ELL3: variants seen among roughly 807,000 people sequenced by gnomAD.
ELL3 encodes the protein elongation factor for RNA polymerase II 3, also known as RNA polymerase II elongation factor ELL3.
ELL3 carries 48 observed loss-of-function variants against 58.5 expected under a neutral mutation model. That is an observed-to-expected ratio of 0.82 (90% confidence interval 0.65 to 1.04). The LOEUF is 1.04. Ranked by LOEUF, ELL3 falls within the 50% of genes least tolerant of loss-of-function variation. ELL3 has a pLI of 0.00. For missense variants in ELL3, 458 were observed against 478.4 expected (o/e 0.96, Z 0.40); for synonymous variants, 174 against 173.2 (o/e 1.00, Z -0.04).
Position 43,773,364 on chromosome 15 carries a change from C to T in ELL3, c.1039-16G>A, listed in dbSNP as rs780844907. 38 of 1,613,840 alleles carry T rather than the reference C, an allele frequency of 2.4e-5. No individual in the cohort carries two copies. The highest frequency in any genetic ancestry group is 2.9e-5 in the Non-Finnish European group (34 of 1,179,956). ...CTTCCAGGACCTGAAACAGAAATTA[C>T]TAGCACTGAGTTCAACATTAAGAAA... On this transcript the variant is annotated splice_polypyrimidine_tract_variant and intron_variant, in intron 9 of 10. Coordinates refer to ENST00000319359, the MANE Select transcript of ELL3 (RefSeq NM_025165.3).
chr15:43,776,689 C>T, intron 1 of ELL3, 81 bp downstream of exon 1: 1 of 1,555,556 alleles, frequency 6.4e-7, no homozygotes, highest in Admixed American at 1.9e-5. Flanking sequence ...GCTCCCTCTC[C>T]CCTGCACCTT....
At chr15:43,773,408 G>T in intron 9 of ELL3, 60 bp from the exon 10 acceptor site, 2 of 1,590,824 alleles carry the variant, frequency 1.3e-6, no homozygotes, top group Non-Finnish European at 1.7e-6. Context: ...GGGCGGCCAG[G>T]CATGGTGGCT....
chr15:43,776,750 A>G lies in ELL3; in HGVS notation c.132+20T>C. ...AGGTCCCTAGGGGCAGTGACTAGAG[A>G]AGAAGGGGGCCGGCCGTACCTGTTG... On this transcript the variant is annotated intron_variant, in intron 1 of 10. Transcript: ENST00000319359. 1 of 1,594,586 alleles carries G rather than the reference A, an allele frequency of 6.3e-7. No individual in the cohort carries two copies.
chr15:43,773,047 A>G lies in ELL3; in HGVS notation c.*69T>C, dbSNP rs2086890504. The G allele has an allele frequency of 2.2e-6, 3 of 1,391,760 alleles. No individual in the cohort carries two copies. The highest frequency in any genetic ancestry group is 2.2e-5 in the Admixed American group (1 of 44,840). The allele number at this position is 1,391,760 out of a possible 1,614,324, so 86.2% of individuals were successfully genotyped here. A position where few individuals can be genotyped will look rare whatever the true frequency, so the allele number is the denominator to read the frequency against. On this transcript the variant is annotated 3_prime_UTR_variant, in exon 11 of 11. Coordinates refer to ENST00000319359, the MANE Select transcript of ELL3 (RefSeq NM_025165.3). ...TAAGAAAAGCAGATAGTTGCATTCTATTTAGTTTATAGCTGCTTTGTTCCT... is the reference window on the plus strand; with the variant it reads ...TAAGAAAAGCAGATAGTTGCATTCTGTTTAGTTTATAGCTGCTTTGTTCCT...
rs145626761 is a variant in ELL3, at chr15:43,773,831, G to T, written c.1038+351C>A. Among the ~76,000 whole-genome samples, 47 of 151,874 alleles carry T rather than the reference G, an allele frequency of 3.1e-4. No homozygotes were observed. The East Asian group carries it at 8.8e-3, about 28-fold the overall frequency. On this transcript the variant is annotated intron_variant, in intron 9 of 10. Transcript: ENST00000319359. ...AGCCTGGCCAACATGGTAAAACCCTGTCTCTACTAAAAATACAAAAAGTGG... is the reference window on the plus strand; with the variant it reads ...AGCCTGGCCAACATGGTAAAACCCTTTCTCTACTAAAAATACAAAAAGTGG...
chr15:43,775,613 G>C lies in ELL3; in HGVS notation c.484-3C>G, dbSNP rs2141662028. The stretch of plus-strand genomic sequence containing the variant: ...GCCAGTGGATCTGACACTGACACCT[G>C]GTGGGGAAAGTGGCAGGAGCACTTG... On this transcript the variant is annotated splice_region_variant and splice_polypyrimidine_tract_variant and intron_variant, in intron 4 of 10. Transcript: ENST00000319359. 6.2e-7 allele frequency: 1 copy of C among 1,614,180 alleles called. No individual in the cohort carries two copies. Among genetic ancestry groups the C allele is most frequent in the Non-Finnish European group, 8.5e-7 (1 of 1,180,026 alleles).
chr15:43,772,925 T>C lies in ELL3; in HGVS notation c.*191A>G. The stretch of plus-strand genomic sequence containing the variant: ...CTCCTAGGCACAGCTATGGAGTCTT[T>C]GCACAGTGCCCATACCCTAAAAATT... On this transcript the variant is annotated 3_prime_UTR_variant, in exon 11 of 11. Coordinates refer to ENST00000319359, the MANE Select transcript of ELL3 (RefSeq NM_025165.3). The C allele has an allele frequency of 1.9e-6, 1 of 534,918 alleles. No homozygotes were observed. Among genetic ancestry groups the C allele is most frequent in the Middle Eastern group, 4.9e-4 (1 of 2,026 alleles). 33.1% of individuals were successfully genotyped at this position (534,918 alleles called of 1,614,324 possible). A position where few individuals can be genotyped will look rare whatever the true frequency, so the allele number is the denominator to read the frequency against.
intron 7 of ELL3, 31 bp from the exon 8 acceptor site, chr15:43,774,549 T>G (rs1363840998): frequency 1.2e-6 from 2 of 1,613,732 alleles, no homozygotes; most frequent in African/African-American, 2.7e-5. Flanking sequence ...CACAAGTGAT[T>G]ATAAGTCTTT....
chr15:43,773,258 A>G (rs768345315), intron 10 of ELL3, 32 bp from the exon 11 acceptor site: 5 of 1,613,752 alleles, frequency 3.1e-6, no homozygotes, highest in Admixed American at 3.3e-5. Context: ...GTCAAAAAGT[A>G]AAAATTCTCA....
rs1026454187 is a variant in ELL3, at chr15:43,774,163, G to T, written c.1038+19C>A. 1.1e-5 allele frequency: 18 copies of T among 1,611,440 alleles called. No homozygotes were observed. Among genetic ancestry groups the T allele is most frequent in the Non-Finnish European group, 1.5e-5 (18 of 1,178,004 alleles). On this transcript the variant is annotated intron_variant, in intron 9 of 10. Transcript: ENST00000319359. ...AATGGCCAGTAGAGCTGGAAAGCCAGGCTGGGTCCTGTCCTTACCTTGTAT... is the reference window on the plus strand; with the variant it reads ...AATGGCCAGTAGAGCTGGAAAGCCATGCTGGGTCCTGTCCTTACCTTGTAT...
At position 43,776,169 on chromosome 15, in the gene ELL3, C is replaced by A. The variant is rs776619366; in HGVS notation, c.169-18G>T. ...CTCAGATACTGGGGGTGGAAGGAGACGGTAAGCCCCATGAAGTCAGCCCCT... is the reference window on the plus strand; with the variant it reads ...CTCAGATACTGGGGGTGGAAGGAGAAGGTAAGCCCCATGAAGTCAGCCCCT... On this transcript the variant is annotated intron_variant, in intron 2 of 10. Coordinates refer to ENST00000319359, the MANE Select transcript of ELL3 (RefSeq NM_025165.3). 17 of 1,606,864 alleles carry A rather than the reference C, an allele frequency of 1.1e-5. No individual in the cohort carries two copies. Among genetic ancestry groups the A allele is most frequent in the Admixed American group, 1.7e-5 (1 of 59,760 alleles).
intron 8 of ELL3, 32 bp downstream of exon 8, chr15:43,774,444 C>A: frequency 1.2e-6 from 2 of 1,613,896 alleles, no homozygotes; most frequent in Admixed American, 1.7e-5. Flanking sequence ...ATGAACAAGT[C>A]TTGATGAAAT....
intron 9 of ELL3, among the ~76,000 whole-genome samples, 170 bp from the exon 10 acceptor site, chr15:43,773,518 T>C (rs1420271410): frequency 6.6e-6 from 1 of 151,676 alleles, no homozygotes; most frequent in African/African-American, 2.4e-5. Flanking sequence ...CCGTCTCTAC[T>C]AAAAAAATAC....
intron 1 of ELL3, 80 bp downstream of exon 1, chr15:43,776,690 C>T (rs2086920586): frequency 1.3e-6 from 2 of 1,556,268 alleles, no homozygotes; most frequent in Non-Finnish European, 1.7e-6. Flanking sequence ...CTCCCTCTCC[C>T]CTGCACCTTC....
Position 43,776,552 on chromosome 15 carries a change from GA to G in ELL3, c.133-9del. ...AGCAATCACCGGCCGTACCTGCGGG[GA>G]GAGCGAAGATGTGACCGTTGAGCGC... On this transcript the variant is annotated splice_polypyrimidine_tract_variant and intron_variant, in intron 1 of 10. Transcript: ENST00000319359. 6.4e-7 allele frequency: 1 copy of G among 1,566,178 alleles called. No individual in the cohort carries two copies. Among genetic ancestry groups the G allele is most frequent in the Non-Finnish European group, 8.7e-7 (1 of 1,153,948 alleles).
At position 43,775,375 on chromosome 15, in the gene ELL3, C is replaced by G. The variant is rs368527844; in HGVS notation, c.576G>C (p.Gln192His). 5.6e-6 allele frequency: 9 copies of G among 1,613,322 alleles called. No individual in the cohort carries two copies. The African/African-American group carries it at 9.3e-5, about 17-fold the overall frequency. The change falls in exon 6 of 11, where the codon CAG becomes CAC. Residue 192 changes from glutamine (Q) to histidine (H), a missense_variant. Gln to His is a conservative substitution (Grantham distance 24, BLOSUM62 0). Coordinates refer to ENST00000319359, the MANE Select transcript of ELL3 (RefSeq NM_025165.3). ...EHMAQWEVRS[Q>H]THVPNREPVQ... Reference sequence around the variant, plus strand: ...CAGGTTCTCTGTTTGGAACATGGGTCTGGCTTCTAGGATATTTTAAGGGAA... The same window carrying G: ...CAGGTTCTCTGTTTGGAACATGGGTGTGGCTTCTAGGATATTTTAAGGGAA...
Position 43,775,606 on chromosome 15 carries a change from G to A in ELL3, c.488C>T (p.Ser163Leu). The change falls in exon 5 of 11, where the codon TCA becomes TTA. Residue 163 changes from serine (S) to leucine (L), a missense_variant. Physicochemically the swap from Ser to Leu is moderately radical, Grantham distance 145 (BLOSUM62 -2). Transcript: ENST00000319359. ...SQPQMALEEV[S>L]VSDPLASNQG... ...GTTGCTTGCCAGTGGATCTGACACT[G>A]ACACCTGGTGGGGAAAGTGGCAGGA... 6.2e-7 allele frequency: 1 copy of A among 1,614,162 alleles called. No homozygotes were observed. Among genetic ancestry groups the A allele is most frequent in the Non-Finnish European group, 8.5e-7 (1 of 1,180,020 alleles).
intron 9 of ELL3, 70 bp downstream of exon 9, chr15:43,774,112 G>A (rs2086897522): frequency 2.6e-6 from 4 of 1,567,720 alleles, no homozygotes; most frequent in African/African-American, 1.4e-5. Context: ...TATAAACACA[G>A]GTGTATGGAT....
In ELL3 at chr15:43,776,800, C is replaced by A; in HGVS notation, c.102G>T (p.Leu34=). ...GCCGCTGACACTCTTGCAGCGCCCGCAGGGCAGCGTCGTTGAGCCTGAGCA... is the reference window on the plus strand; with the variant it reads ...GCCGCTGACACTCTTGCAGCGCCCGAAGGGCAGCGTCGTTGAGCCTGAGCA... ...LLLLRLNDAA[L]RALQECQRQQ... is the part of the protein sequence containing the mutation. Residue 34 remains leucine (L), a synonymous_variant, in exon 1 of 11, where the codon CTG becomes CTT. Coordinates refer to ENST00000319359, the MANE Select transcript of ELL3 (RefSeq NM_025165.3). The A allele has an allele frequency of 1.2e-6, 2 of 1,610,100 alleles. No homozygotes were observed. Among genetic ancestry groups the A allele is most frequent in the Non-Finnish European group, 1.7e-6 (2 of 1,177,640 alleles).
Sources: allele counts gnomAD v4.1 joint callset (sites outside exome capture counted in the v4.1 genomes callset), GRCh38; gene constraint gnomAD v4.1.1; transcripts MANE v1.5; gene names NCBI Gene and HGNC (gene_info 2026-07-23, HGNC 2026-07-21).